The following THSD7A variants were observed in gnomAD, a reference collection of about 807,000 sequenced individuals.
THSD7A encodes thrombospondin type 1 domain containing 7A, also known as thrombospondin type-1 domain-containing protein 7A.
In THSD7A, 96 loss-of-function variants were observed where a neutral mutation model predicts 231.3. The ratio of observed to expected loss-of-function variants is 0.41; its 90% CI spans 0.35 to 0.49. The LOEUF is 0.49. Among genes scored for constraint, THSD7A ranks in the 20% least tolerant of loss-of-function variants. The pLI, the probability that THSD7A is intolerant of heterozygous loss-of-function variation, is 0.05. For missense variants in THSD7A, 2,290 were observed against 2,070.2 expected (o/e 1.11, Z -2.06); for synonymous variants, 940 against 743.3 (o/e 1.26, Z -4.30).
intron 1 of THSD7A, among the ~76,000 whole-genome samples, chr7:11,801,860 T>G (rs901752806): frequency 6.6e-6 from 1 of 152,302 alleles, no homozygotes; most frequent in Admixed American, 6.5e-5. Context: ...GTAACACATA[T>G]TTAAGAACAT....
At position 11,412,791 on chromosome 7, in the gene THSD7A, G is replaced by C. The variant is rs1180791269; in HGVS notation, c.3547C>G (p.Gln1183Glu). ...PWTQCVLPCN[Q>E]SSFRQRSADP... ...GCTGACCTTTGCCGGAAACTGCTTT[G>C]ATTGCAAGGCTTAAAAAGAACAGTA... is the stretch of plus-strand genomic sequence containing the variant. The change falls in exon 18 of 28, where the codon CAA becomes GAA. Residue 1183 changes from glutamine to glutamate, a missense_variant. By Grantham distance (29) the Gln-to-Glu change is conservative. Coordinates refer to ENST00000423059, the MANE Select transcript of THSD7A (RefSeq NM_015204.3). 2 of 1,611,462 alleles carry C rather than the reference G, an allele frequency of 1.2e-6. No homozygotes were observed. The highest frequency in any genetic ancestry group is 2.7e-5 in the African/African-American group (2 of 74,876).
chr7:11,802,090 T>C (rs911029223), intron 1 of THSD7A, among the ~76,000 whole-genome samples: 1 of 152,206 alleles, frequency 6.6e-6, no homozygotes, highest in African/African-American at 2.4e-5. Flanking sequence ...GACAATTTTC[T>C]CAAGGCTGAA....
chr7:11,463,874 T>C (rs1027554867), intron 9 of THSD7A, among the ~76,000 whole-genome samples: 4 of 152,176 alleles, frequency 2.6e-5, no homozygotes, highest in African/African-American at 9.7e-5. Flanking sequence ...ATGACCTGTA[T>C]TTTAAGGCCC....
At chr7:11,524,407 CAT>C (rs1339821459) in intron 6 of THSD7A, among the ~76,000 whole-genome samples, 1 of 152,156 alleles carries the variant, frequency 6.6e-6, no homozygotes, top group Non-Finnish European at 1.5e-5. Flanking sequence ...AGGTTTAAGA[CAT>C]GTACAGTTTT....
chr7:11,803,225 G>A (rs918388948), intron 1 of THSD7A, among the ~76,000 whole-genome samples: 2 of 152,142 alleles, frequency 1.3e-5, no homozygotes, highest in Non-Finnish European at 2.9e-5. Flanking sequence ...CAGACAGGCT[G>A]AGTATTTTAT....
chr7:11,777,213 G>C, intron 1 of THSD7A, among the ~76,000 whole-genome samples: 1 of 151,964 alleles, frequency 6.6e-6, no homozygotes, highest in South Asian at 2.1e-4. Context: ...CGGCATAAGG[G>C]GACATTTGGT....
At chr7:11,514,310 T>G (rs1583884619) in intron 6 of THSD7A, among the ~76,000 whole-genome samples, 1 of 152,300 alleles carries the variant, frequency 6.6e-6, no homozygotes, top group South Asian at 2.1e-4. Context: ...ACAGATACAT[T>G]ATTTAAATCC....
chr7:11,412,291 T>A (rs1783812124), intron 18 of THSD7A, among the ~76,000 whole-genome samples: 1 of 152,186 alleles, frequency 6.6e-6, no homozygotes, highest in African/African-American at 2.4e-5. Context: ...CCCAGTATGT[T>A]TTAGCAATTA....
chr7:11,793,271 A>G (rs1784015395), intron 1 of THSD7A, among the ~76,000 whole-genome samples: 1 of 151,968 alleles, frequency 6.6e-6, no homozygotes, highest in African/African-American at 2.4e-5. Flanking sequence ...ACAAAACATA[A>G]CAATGGCCGA....
At chr7:11,568,601 A>G (rs1291821899) in intron 4 of THSD7A, among the ~76,000 whole-genome samples, 4 of 118,414 alleles carry the variant, frequency 3.4e-5, no homozygotes, top group African/African-American at 1.3e-4. Flanking sequence ...CTCCAACCTG[A>G]GTGACAGAGT....
Position 11,401,647 on chromosome 7 carries a change from G to A in THSD7A, c.4411+148C>T, listed in dbSNP as rs962319306. The A allele has an allele frequency of 5.9e-5, 38 of 642,102 alleles. No individual in the cohort carries two copies. In the African/African-American group the frequency reaches 7.0e-4, roughly 12 times the overall value. 39.8% of individuals were successfully genotyped at this position (642,102 alleles called of 1,614,324 possible). ...GCTGGTCTCACAACTCCTGGCCTCA[G>A]GTGATCCGCCCACCTAGGCCTCCCA... On this transcript the variant is annotated intron_variant, in intron 23 of 27. Transcript: ENST00000423059.
intron 1 of THSD7A, among the ~76,000 whole-genome samples, chr7:11,713,830 C>T (rs1419405765): frequency 2.0e-5 from 3 of 151,076 alleles, no homozygotes; most frequent in African/African-American, 7.3e-5. Context: ...CTTAAAATGA[C>T]TTATATTTTA....
At chr7:11,733,427 A>G (rs1236517593) in intron 1 of THSD7A, among the ~76,000 whole-genome samples, 2 of 151,964 alleles carry the variant, frequency 1.3e-5, no homozygotes, top group African/African-American at 4.8e-5. Context: ...AGGTGTGTGA[A>G]AAAAGATAAG....
chr7:11,457,773 A>G (rs940574249), intron 11 of THSD7A, among the ~76,000 whole-genome samples: 2 of 151,994 alleles, frequency 1.3e-5, no homozygotes, highest in Admixed American at 6.6e-5. Flanking sequence ...TGTTTTTCTT[A>G]CCTCAAACAC....
chr7:11,632,650 T>C lies in THSD7A; in HGVS notation c.1022+3480A>G, dbSNP rs1036375148. Reference sequence around the variant, plus strand: ...TAATCTGCTGTCCTGTCTTATTTTTTACTTTAAAGAGAATGCTTCTAATGT... The same window carrying C: ...TAATCTGCTGTCCTGTCTTATTTTTCACTTTAAAGAGAATGCTTCTAATGT... On this transcript the variant is annotated intron_variant, in intron 2 of 27. Coordinates refer to ENST00000423059, the MANE Select transcript of THSD7A (RefSeq NM_015204.3). The surrounding 1 kb of genome is among the most constrained non-coding windows in gnomAD (Gnocchi z 4.1). Among the ~76,000 whole-genome samples, 1 of 152,212 alleles carries C rather than the reference T, an allele frequency of 6.6e-6. No homozygotes were observed. Among genetic ancestry groups the C allele is most frequent in the Non-Finnish European group, 1.5e-5 (1 of 68,026 alleles).
At chr7:11,791,089 A>G (rs530630066) in intron 1 of THSD7A, among the ~76,000 whole-genome samples, 2 of 152,120 alleles carry the variant, frequency 1.3e-5, no homozygotes, top group African/African-American at 2.4e-5. Flanking sequence ...AAGAGCAAGT[A>G]TAAAGGAAAA....
chr7:11,507,656 C>A (rs2128312294), intron 6 of THSD7A, among the ~76,000 whole-genome samples: 1 of 150,134 alleles, frequency 6.7e-6, no homozygotes, highest in South Asian at 2.1e-4. Flanking sequence ...ATAGATAATA[C>A]TGCTAATAAT....
intron 16 of THSD7A, among the ~76,000 whole-genome samples, chr7:11,418,686 T>C (rs942824284): frequency 2.0e-5 from 3 of 152,212 alleles, no homozygotes; most frequent in African/African-American, 4.8e-5. Context: ...CAGAGTCACC[T>C]TGCTATGCAG....
chr7:11,480,659 G>C lies in THSD7A; in HGVS notation c.2017+1129C>G, dbSNP rs537237531. 5.3e-5 allele frequency among the ~76,000 whole-genome samples: 8 copies of C among 152,162 alleles called. No individual in the cohort carries two copies. The South Asian group carries it at 1.5e-3, about 28-fold the overall frequency. On this transcript the variant is annotated intron_variant, in intron 7 of 27. Transcript: ENST00000423059. ...AAAGAAAATTCTAAAATTTCACACA[G>C]GTTGGCTTTTCTGTGTGTAAAATGT...
Sources: allele counts gnomAD v4.1 joint callset (sites outside exome capture counted in the v4.1 genomes callset), GRCh38; gene constraint gnomAD v4.1.1; non-coding constraint Gnocchi (gnomAD v3.1); transcripts MANE v1.5; gene names NCBI Gene and HGNC (gene_info 2026-07-23, HGNC 2026-07-21).